The following TBC1D32 variants were observed in gnomAD, a reference collection of about 807,000 sequenced individuals.
TBC1D32 encodes TBC1 domain family member 32.
TBC1D32 carries 151 observed loss-of-function variants against 170.3 expected under a neutral mutation model. The observed-to-expected ratio is 0.89, with a 90% CI of 0.78 to 1.01. The LOEUF (loss-of-function observed/expected upper bound fraction) is 1.01. Among genes scored for constraint, TBC1D32 ranks in the 50% least tolerant of loss-of-function variants. TBC1D32 has a pLI of 0.00. For synonymous variants in TBC1D32, 498 were observed against 488.0 expected, an observed-to-expected ratio of 1.02 and a Z score of -0.27; for missense variants, 1,464 against 1,457.1, an observed-to-expected ratio of 1.00 and a Z score of -0.08.
At chr6:121,260,484 C>T (rs531525157) in intron 15 of TBC1D32, among the ~76,000 whole-genome samples, 14 of 152,144 alleles carry the variant, frequency 9.2e-5, no homozygotes, top group Admixed American at 6.5e-4. Flanking sequence ...ACTGACTAGG[C>T]GGCTGGCATG....
intron 24 of TBC1D32, among the ~76,000 whole-genome samples, chr6:121,154,173 A>G (rs1784568790): frequency 6.6e-6 from 1 of 152,110 alleles, no homozygotes; most frequent in Non-Finnish European, 1.5e-5. Flanking sequence ...TGGTGGGAAA[A>G]GCGTAGTACC....
chr6:121,274,314 C>CA (rs1402929944), intron 15 of TBC1D32, among the ~76,000 whole-genome samples: 8 of 151,366 alleles, frequency 5.3e-5, no homozygotes, highest in African/African-American at 1.9e-4. Context: ...GCCTGGGCGA[C>CA]AGAGTCATGA....
At position 121,109,558 on chromosome 6, in the gene TBC1D32, T is replaced by A. The variant is rs181609232; in HGVS notation, c.3324+2947A>T. 6.9e-3 allele frequency among the ~76,000 whole-genome samples: 1,058 copies of A among 152,262 alleles called. 12 individuals carry two copies. Among genetic ancestry groups the A allele is most frequent in the Middle Eastern group, 0.048 (14 of 294 alleles). ...TGATTTTTTAAAATATATCATTTTA[T>A]TAATGGCTTCAATGTTAACAACTGG... is the stretch of plus-strand genomic sequence containing the variant. On this transcript the variant is annotated intron_variant, in intron 29 of 31. Transcript: ENST00000398212.
At chr6:121,197,826 C>T (rs1177200764) in intron 22 of TBC1D32, among the ~76,000 whole-genome samples, 1 of 152,088 alleles carries the variant, frequency 6.6e-6, no homozygotes, top group Non-Finnish European at 1.5e-5. Context: ...GTACTGATCC[C>T]GGGTATGCCT....
At chr6:121,120,804 A>G (rs558077222) in intron 26 of TBC1D32, among the ~76,000 whole-genome samples, 1 of 152,042 alleles carries the variant, frequency 6.6e-6, no homozygotes, top group Non-Finnish European at 1.5e-5. Flanking sequence ...ATAGATATCA[A>G]TTCCTTTCAC....
intron 21 of TBC1D32, 38 bp downstream of exon 21, chr6:121,223,198 C>T (rs1250559010): frequency 7.8e-7 from 1 of 1,275,670 alleles, no homozygotes; most frequent in Non-Finnish European, 1.1e-6. Flanking sequence ...CAAATAGTAG[C>T]ATTTATAACA....
intron 19 of TBC1D32, among the ~76,000 whole-genome samples, chr6:121,240,607 G>A (rs116970743): frequency 0.012 from 1,871 of 151,518 alleles, 107 homozygotes; most frequent in Admixed American, 0.093. Context: ...AAGACATATT[G>A]GCCGGGTGCG....
At chr6:121,323,865 G>A (rs1430082489) in intron 1 of TBC1D32, among the ~76,000 whole-genome samples, 2 of 152,062 alleles carry the variant, frequency 1.3e-5, no homozygotes, top group Admixed American at 6.6e-5. Context: ...ACTTGAACCC[G>A]GGAGGCGGAG....
chr6:121,093,560 G>A (rs1210850220), intron 30 of TBC1D32, among the ~76,000 whole-genome samples: 1 of 152,122 alleles, frequency 6.6e-6, no homozygotes, highest in African/African-American at 2.4e-5. Flanking sequence ...CCACTCAATT[G>A]TTAGTTTCAG....
chr6:121,161,583 C>A (rs1785668946), intron 22 of TBC1D32, among the ~76,000 whole-genome samples: 1 of 152,132 alleles, frequency 6.6e-6, no homozygotes, highest in Non-Finnish European at 1.5e-5. Flanking sequence ...CATTTTCTAT[C>A]ATTGATGGGC....
At chr6:121,287,116 A>T (rs1313141614) in intron 12 of TBC1D32, among the ~76,000 whole-genome samples, 1 of 152,200 alleles carries the variant, frequency 6.6e-6, no homozygotes, top group East Asian at 1.9e-4. Flanking sequence ...ATAACCAGCT[A>T]ACATCATAAT....
At chr6:121,267,008 A>C (rs1800594475) in intron 15 of TBC1D32, among the ~76,000 whole-genome samples, 1 of 151,782 alleles carries the variant, frequency 6.6e-6, no homozygotes, top group Admixed American at 6.6e-5. Flanking sequence ...GCAAACCATC[A>C]TGGCACACAT....
At chr6:121,114,469 C>T (rs1779498366) in intron 27 of TBC1D32, among the ~76,000 whole-genome samples, 2 of 152,112 alleles carry the variant, frequency 1.3e-5, no homozygotes, top group Admixed American at 1.3e-4. Flanking sequence ...GCAGGCACAA[C>T]ATCACAAAAC....
chr6:121,129,961 A>G, intron 25 of TBC1D32: 1 of 424,706 alleles, frequency 2.4e-6, no homozygotes, highest in Non-Finnish European at 4.6e-6. Flanking sequence ...GGATTAAATT[A>G]CAAGAGCAAA....
At chr6:121,132,518 T>G (rs1330342816) in intron 24 of TBC1D32, among the ~76,000 whole-genome samples, 1 of 152,002 alleles carries the variant, frequency 6.6e-6, no homozygotes, top group Non-Finnish European at 1.5e-5. Context: ...TTCAACTCAG[T>G]ATATAGGTAA....
chr6:121,197,090 G>A (rs747664797), intron 22 of TBC1D32, among the ~76,000 whole-genome samples: 2 of 152,180 alleles, frequency 1.3e-5, no homozygotes, highest in African/African-American at 2.4e-5. Context: ...TAAGTCAACA[G>A]ACTAAGAAGG....
chr6:121,084,276 C>T (rs766473759), intron 31 of TBC1D32, among the ~76,000 whole-genome samples: 5 of 152,086 alleles, frequency 3.3e-5, no homozygotes, highest in East Asian at 3.8e-4. Context: ...AGTTGGTTCA[C>T]GGTTGTTCCA....
At chr6:121,099,401 A>G (rs1389204597) in intron 30 of TBC1D32, among the ~76,000 whole-genome samples, 2 of 151,976 alleles carry the variant, frequency 1.3e-5, no homozygotes, top group Non-Finnish European at 2.9e-5. Flanking sequence ...CTTAGTAATT[A>G]CCAAAAGAAA....
At chr6:121,232,957 T>A (rs1474485501) in intron 20 of TBC1D32, among the ~76,000 whole-genome samples, 1 of 152,154 alleles carries the variant, frequency 6.6e-6, no homozygotes, top group Non-Finnish European at 1.5e-5. Flanking sequence ...CTTGATATCA[T>A]TGTTGGTCCA....
Sources: gnomAD v4.1 joint callset for allele counts (sites outside exome capture counted in the v4.1 genomes callset) on GRCh38, gnomAD v4.1.1 for gene constraint, MANE v1.5 for transcripts, NCBI Gene and HGNC (gene_info 2026-07-23, HGNC 2026-07-21) for gene names.